ZSWIM6: variants seen among roughly 807,000 people sequenced by gnomAD.
The protein encoded by ZSWIM6 is zinc finger SWIM domain-containing protein 6.
Under a neutral mutation model 113.2 loss-of-function variants are expected in ZSWIM6, and 9 were observed. The ratio of observed to expected loss-of-function variants is 0.08; its 90% CI spans 0.05 to 0.14. ZSWIM6 has a LOEUF of 0.14. ZSWIM6 is among the 10% of genes least tolerant of loss of function. ZSWIM6 has a pLI of 1.00. For missense variants in ZSWIM6, 1,162 were observed against 1,552.2 expected, an observed-to-expected ratio of 0.75 and a Z score of 4.22; for synonymous variants, 611 against 606.5, an observed-to-expected ratio of 1.01 and a Z score of -0.11.
chr5:61,542,099 T>G, intron 13 of ZSWIM6, 134 bp downstream of exon 13: 1 of 690,124 alleles, frequency 1.4e-6, no homozygotes, highest in South Asian at 2.4e-5. Flanking sequence ...CCACAAGGGC[T>G]TCCTTCTCCC....
At chr5:61,453,957 C>T (rs948738219) in intron 1 of ZSWIM6, among the ~76,000 whole-genome samples, 16 of 152,080 alleles carry the variant, frequency 1.1e-4, no homozygotes, top group Admixed American at 2.0e-4. Context: ...ATCTTCTTTG[C>T]AGCATTATTA....
intron 1 of ZSWIM6, among the ~76,000 whole-genome samples, chr5:61,392,769 C>T (rs1368719772): frequency 6.6e-6 from 1 of 151,952 alleles, no homozygotes; most frequent in African/African-American, 2.4e-5. Flanking sequence ...TCCGTCACCA[C>T]CCCCTGCTAA....
At chr5:61,379,033 T>C (rs1447217238) in intron 1 of ZSWIM6, among the ~76,000 whole-genome samples, 1 of 151,572 alleles carries the variant, frequency 6.6e-6, no homozygotes, top group Admixed American at 6.6e-5. Flanking sequence ...ATAAAAAAAT[T>C]AGCTGGGTGT....
At chr5:61,532,145 C>A (rs1368082136) in intron 9 of ZSWIM6, among the ~76,000 whole-genome samples, 1 of 152,156 alleles carries the variant, frequency 6.6e-6, no homozygotes, top group Non-Finnish European at 1.5e-5. Flanking sequence ...TTGGCGGTTA[C>A]ATGACACCTG....
At chr5:61,529,736 A>G (rs1749380324) in intron 7 of ZSWIM6, among the ~76,000 whole-genome samples, 1 of 152,380 alleles carries the variant, frequency 6.6e-6, no homozygotes, top group East Asian at 1.9e-4. Context: ...CCTATACAAC[A>G]TAATTTAATA....
intron 5 of ZSWIM6, among the ~76,000 whole-genome samples, chr5:61,522,721 A>G (rs1280532779): frequency 6.6e-6 from 1 of 152,154 alleles, no homozygotes; most frequent in African/African-American, 2.4e-5. Flanking sequence ...ACATACCCCC[A>G]GTTTTTTTCC....
intron 4 of ZSWIM6, among the ~76,000 whole-genome samples, chr5:61,515,347 A>G (rs572831300): frequency 5.9e-5 from 9 of 151,986 alleles, no homozygotes; most frequent in Admixed American, 2.6e-4. Flanking sequence ...TGGCCGTTGG[A>G]GTTTCTCAAA....
At chr5:61,457,724 T>C (rs920744076) in intron 1 of ZSWIM6, among the ~76,000 whole-genome samples, 2 of 152,124 alleles carry the variant, frequency 1.3e-5, no homozygotes, top group African/African-American at 4.8e-5. Context: ...GGTTTCACCA[T>C]GTTGGCCAAG....
At chr5:61,535,082 A>C (rs1749540954) in intron 9 of ZSWIM6, among the ~76,000 whole-genome samples, 1 of 152,176 alleles carries the variant, frequency 6.6e-6, no homozygotes, top group African/African-American at 2.4e-5. Context: ...GTCCAGGGGT[A>C]GTTTCCATAG....
intron 4 of ZSWIM6, among the ~76,000 whole-genome samples, chr5:61,503,404 G>C (rs1195577009): frequency 6.6e-6 from 1 of 152,176 alleles, no homozygotes; most frequent in Non-Finnish European, 1.5e-5. Context: ...TGACTAGCTA[G>C]ATTAATAAAT....
At chr5:61,504,585 A>G (rs543077987) in intron 4 of ZSWIM6, among the ~76,000 whole-genome samples, 114 of 152,328 alleles carry the variant, frequency 7.5e-4, no homozygotes, top group African/African-American at 2.5e-3. Flanking sequence ...TTCCAATCTG[A>G]TGAAATATTA....
rs61742468 is a variant in ZSWIM6, at chr5:61,391,097, G to T, written c.676+58149G>T. On this transcript the variant is annotated intron_variant, in intron 1 of 13. Transcript: ENST00000252744. ...GCCACAGGTAAGGCCACAGGGGCAG[G>T]ATGCTGTGTCCCAGTACAGGCCACT... 2.3e-3 allele frequency: 1,727 copies of T among 744,340 alleles called. 23 individuals are homozygous for T. The highest frequency in any genetic ancestry group is 0.023 in the African/African-American group (1,355 of 58,562). The allele number at this position is 744,340 out of a possible 1,614,324, so 46.1% of individuals were successfully genotyped here.
At chr5:61,433,245 A>C (rs1436003226) in intron 1 of ZSWIM6, among the ~76,000 whole-genome samples, 2 of 152,080 alleles carry the variant, frequency 1.3e-5, no homozygotes, top group Non-Finnish European at 2.9e-5. Context: ...ATTAATTTAT[A>C]TTTGGGGATT....
chr5:61,508,199 A>G (rs571808846), intron 4 of ZSWIM6, among the ~76,000 whole-genome samples: 43 of 152,230 alleles, frequency 2.8e-4, no homozygotes, highest in Non-Finnish European at 5.6e-4. Flanking sequence ...TGTCAGGTGG[A>G]TAAGTGTAGA....
At chr5:61,395,564 T>A (rs1745820286) in intron 1 of ZSWIM6, among the ~76,000 whole-genome samples, 1 of 152,202 alleles carries the variant, frequency 6.6e-6, no homozygotes, top group South Asian at 2.1e-4. Context: ...TGATGATAGC[T>A]CAGTAACTGA....
chr5:61,375,411 A>G (rs1482047383), intron 1 of ZSWIM6: 2 of 1,513,802 alleles, frequency 1.3e-6, no homozygotes, highest in South Asian at 1.2e-5. Context: ...AAAAGAAGAA[A>G]TCTGGTAGGT....
At chr5:61,471,932 G>A (rs551758697) in intron 1 of ZSWIM6, among the ~76,000 whole-genome samples, 3 of 151,894 alleles carry the variant, frequency 2.0e-5, no homozygotes, top group African/African-American at 7.2e-5. Context: ...GTGTATTTGT[G>A]TGTGTGTGTG....
chr5:61,409,995 G>A (rs1235724053), intron 1 of ZSWIM6, among the ~76,000 whole-genome samples: 1 of 152,214 alleles, frequency 6.6e-6, no homozygotes, highest in Non-Finnish European at 1.5e-5. Context: ...TTGATAAAGG[G>A]AGTTTTAGCC....
At chr5:61,360,848 A>G (rs1745021337) in intron 1 of ZSWIM6, among the ~76,000 whole-genome samples, 1 of 152,122 alleles carries the variant, frequency 6.6e-6, no homozygotes, top group Non-Finnish European at 1.5e-5. Context: ...GACTTCTGTG[A>G]TGTTGAACTT....
Sources: gnomAD v4.1 joint callset for allele counts (sites outside exome capture counted in the v4.1 genomes callset) on GRCh38, gnomAD v4.1.1 for gene constraint, MANE v1.5 for transcripts, NCBI Gene and HGNC (gene_info 2026-07-23, HGNC 2026-07-21) for gene names.